The following SRSF4 variants were observed in gnomAD, a reference collection of about 807,000 sequenced individuals.
SRSF4 encodes the protein serine/arginine-rich splicing factor 4.
In SRSF4, 12 loss-of-function variants were observed where a neutral mutation model predicts 48.8. The observed-to-expected ratio is 0.25, with a 90% CI of 0.16 to 0.40. SRSF4 has a LOEUF of 0.40. Among genes scored for constraint, SRSF4 ranks in the 10% least tolerant of loss-of-function variants. The pLI, the probability that SRSF4 is intolerant of heterozygous loss-of-function variation, is 1.00. For missense variants in SRSF4, 466 were observed against 667.1 expected (o/e 0.70, Z 3.32); for synonymous variants, 248 against 232.5 (o/e 1.07, Z -0.61).
intron 4 of SRSF4, among the ~76,000 whole-genome samples, chr1:29,151,750 A>G (rs1672412548): frequency 6.6e-6 from 1 of 152,248 alleles, no homozygotes; most frequent in South Asian, 2.1e-4. Context: ...AACTGTGGTT[A>G]TCCTCATTCT....
Position 29,148,952 on chromosome 1 carries a change from C to G in SRSF4, c.943G>C (p.Gly315Arg). ...QERRVEEEKR[G>R]SVSRGRSQEK... Reference sequence around the variant, plus strand: ...TGGCTCCTGCCCCTGCTCACACTCCCTCGCTTCTCCTCCTCCACTCTCCTC... The same window carrying G: ...TGGCTCCTGCCCCTGCTCACACTCCGTCGCTTCTCCTCCTCCACTCTCCTC... The change falls in exon 6 of 6, where the codon GGG (glycine) becomes CGG (arginine). Residue 315 changes from glycine (G) to arginine (R), a missense_variant. Gly to Arg is a moderately radical substitution (Grantham distance 125, BLOSUM62 -2). Transcript: ENST00000373795. 6.2e-7 allele frequency: 1 copy of G among 1,611,766 alleles called. No individual in the cohort carries two copies. Among genetic ancestry groups the G allele is most frequent in the South Asian group, 1.1e-5 (1 of 90,982 alleles).
At position 29,148,790 on chromosome 1, in the gene SRSF4, G is replaced by C; in HGVS notation, c.1105C>G (p.Arg369Gly). 1.2e-6 allele frequency: 2 copies of C among 1,612,012 alleles called. No individual in the cohort carries two copies. Among genetic ancestry groups the C allele is most frequent in the Non-Finnish European group, 8.5e-7 (1 of 1,179,242 alleles). The change falls in exon 6 of 6, where the codon CGC becomes GGC. Residue 369 changes from arginine to glycine, a missense_variant. By Grantham distance (125) the Arg-to-Gly change is moderately radical. This residue lies in a region of SRSF4 where 402 missense variants were observed against 437.0 expected (regional missense o/e 0.92). Transcript: ENST00000373795. Reference sequence around the variant, plus strand: ...CTCCTCTCACTCTTGCTGCGGCTGCGACTGCGACTGCGGCTCTCCTCTCTG... The same window carrying C: ...CTCCTCTCACTCTTGCTGCGGCTGCCACTGCGACTGCGGCTCTCCTCTCTG... ...RSREESRSRS[R>G]SRSKSERSRK...
In SRSF4 at chr1:29,148,664, C is replaced by A. The variant is rs148605776; in HGVS notation, c.1231G>T (p.Val411Leu). ...TTGGCATGTTCCCGCTCCTTTGACA[C>A]GGAGCGGGATGGAGATCTGGACTGG... ...RSQSRSPSRS[V>L]SKEREHAKSE... Residue 411 changes from valine (V) to leucine (L), a missense_variant, in exon 6 of 6, where the codon GTG becomes TTG. By Grantham distance (32) the Val-to-Leu change is conservative. This residue lies in a region of SRSF4 where 402 missense variants were observed against 437.0 expected (regional missense o/e 0.92). Transcript: ENST00000373795. 4 of 1,614,132 alleles carry A rather than the reference C, an allele frequency of 2.5e-6. No individual in the cohort carries two copies. In the South Asian group the frequency reaches 3.3e-5, roughly 13 times the overall value.
intron 4 of SRSF4, chr1:29,154,465 G>A: frequency 1.9e-6 from 1 of 513,608 alleles, no homozygotes; most frequent in Non-Finnish European, 3.4e-6. Flanking sequence ...AAAGTGCTGG[G>A]ATTACAGGCG....
intron 1 of SRSF4, chr1:29,173,130 C>CTTTTTTTTTTTT (rs71586892): frequency 1.3e-5 from 1 of 78,558 alleles, no homozygotes; most frequent in Non-Finnish European, 2.3e-5. Flanking sequence ...GTCAAAAAGG[C>CTTTTTTTTTTTT]TTTTTTTTTT....
intron 1 of SRSF4, among the ~76,000 whole-genome samples, chr1:29,166,321 T>C (rs1426791786): frequency 1.3e-5 from 2 of 152,234 alleles, no homozygotes; most frequent in Non-Finnish European, 2.9e-5. Flanking sequence ...CGGTAATTCT[T>C]GCTGTCTGCA....
At chr1:29,150,061 A>G in intron 5 of SRSF4, 42 bp downstream of exon 5, 1 of 1,532,490 alleles carries the variant, frequency 6.5e-7, no homozygotes, top group East Asian at 2.3e-5. Flanking sequence ...GGGTACAGGC[A>G]TTCCCTGCTG....
At chr1:29,179,872 C>T (rs146451393) in intron 1 of SRSF4, among the ~76,000 whole-genome samples, 63 of 152,318 alleles carry the variant, frequency 4.1e-4, no homozygotes, top group African/African-American at 1.3e-3. Flanking sequence ...CAGTGGTGGA[C>T]ATTTTGTTGA....
intron 3 of SRSF4, among the ~76,000 whole-genome samples, chr1:29,156,578 G>T (rs1314450291): frequency 6.6e-6 from 1 of 152,118 alleles, no homozygotes; most frequent in Non-Finnish European, 1.5e-5. Context: ...CTTGCTAAGG[G>T]TCATGTAAGT....
chr1:29,168,762 T>A (rs1473899748), intron 1 of SRSF4: 1 of 152,220 alleles, frequency 6.6e-6, no homozygotes, highest in African/African-American at 2.4e-5. Flanking sequence ...ATAAAGAAGA[T>A]GAAGACTTGG....
At chr1:29,176,288 AT>A (rs1488919882) in intron 1 of SRSF4, among the ~76,000 whole-genome samples, 4 of 151,944 alleles carry the variant, frequency 2.6e-5, no homozygotes, top group Non-Finnish European at 5.9e-5. Flanking sequence ...AAAACAACAA[AT>A]AGGTGGTAGG....
chr1:29,170,271 A>C (rs1175171096), intron 1 of SRSF4: 1 of 152,216 alleles, frequency 6.6e-6, no homozygotes. Context: ...GAGAGATGAA[A>C]GTCACATTAC....
intron 1 of SRSF4, among the ~76,000 whole-genome samples, chr1:29,161,397 A>G (rs1206060950): frequency 2.0e-5 from 3 of 149,190 alleles, no homozygotes; most frequent in African/African-American, 7.4e-5. Context: ...ATATTTAAAA[A>G]CCAAAACCAT....
intron 1 of SRSF4, among the ~76,000 whole-genome samples, chr1:29,181,193 C>G (rs1028091268): frequency 6.6e-6 from 1 of 152,212 alleles, no homozygotes; most frequent in African/African-American, 2.4e-5. Flanking sequence ...GAAGACGGCG[C>G]TGTGACCGTC....
At chr1:29,159,533 A>C (rs1672560460) in intron 2 of SRSF4, 47 bp from the exon 3 acceptor site, 1 of 1,380,152 alleles carries the variant, frequency 7.2e-7, no homozygotes, top group Non-Finnish European at 1.0e-6. Context: ...GAAGAAAAGG[A>C]AAAAAAATGA....
intron 1 of SRSF4, among the ~76,000 whole-genome samples, chr1:29,178,163 G>T (rs1023395009): frequency 2.6e-5 from 4 of 151,940 alleles, no homozygotes; most frequent in Non-Finnish European, 5.9e-5. Flanking sequence ...GCCTCCCAAG[G>T]TGATGGGATT....
At chr1:29,170,034 C>T (rs1449172238) in intron 1 of SRSF4, 2 of 152,150 alleles carry the variant, frequency 1.3e-5, no homozygotes, top group Non-Finnish European at 2.9e-5. Flanking sequence ...TATCATTACC[C>T]CCTGCAATCA....
At chr1:29,159,108 ACAAACCAAACCAAACCAAACCAAAC>A (rs6143174) in intron 3 of SRSF4, among the ~76,000 whole-genome samples, 5 of 148,438 alleles carry the variant, frequency 3.4e-5, no homozygotes, top group South Asian at 2.2e-4. Context: ...TCCATCTCAA[ACAAACCAAACCAAACCAAACCAAAC>A]CAAACCAAAC....
intron 4 of SRSF4, among the ~76,000 whole-genome samples, chr1:29,152,338 C>CTGGAGGAGTGGGAGG (rs1303716843): frequency 6.6e-6 from 1 of 152,158 alleles, no homozygotes; most frequent in Non-Finnish European, 1.5e-5. Context: ...ACTACAGAAG[C>CTGGAGGAGTGGGAGG]TGGAGGAGTG....
Sources: gnomAD v4.1 joint callset for allele counts (sites outside exome capture counted in the v4.1 genomes callset) on GRCh38, gnomAD v4.1.1 for gene constraint, gnomAD v4.1.1 regional missense constraint, MANE v1.5 for transcripts, NCBI Gene and HGNC (gene_info 2026-07-23, HGNC 2026-07-21) for gene names.